ZNF678: variants seen among roughly 807,000 people sequenced by gnomAD.
The protein encoded by ZNF678 is zinc finger protein 678.
A neutral mutation model predicts 3.0 loss-of-function variants in ZNF678; 5 were observed. That is an observed-to-expected ratio of 1.69 (90% CI 0.88 to 3.56). The LOEUF is 3.56. Among genes scored for constraint, ZNF678 ranks in the 30% most tolerant of loss-of-function variants. The pLI, the probability that ZNF678 is intolerant of heterozygous loss-of-function variation, is 0.00. For missense variants in ZNF678, 593 were observed against 605.0 expected, an observed-to-expected ratio of 0.98 and a Z score of 0.21; for synonymous variants, 218 against 199.6, an observed-to-expected ratio of 1.09 and a Z score of -0.78.
Position 227,655,557 on chromosome 1 carries a change from A to G in ZNF678, c.1307A>G (p.Lys436Arg). 2 of 1,612,650 alleles carry G rather than the reference A, an allele frequency of 1.2e-6. No homozygotes were observed. The highest frequency in any genetic ancestry group is 1.7e-6 in the Non-Finnish European group (2 of 1,179,334). Residue 436 changes from lysine (K) to arginine (R), a missense_variant, in exon 4 of 4, where the codon AAA becomes AGA. Physicochemically the swap from Lys to Arg is conservative, Grantham distance 26. Transcript: ENST00000343776. ...IHTGEKPYKC[K>R]ECGKAFYQSS... ...ACTGGAGAGAAACCCTACAAATGTA[A>G]AGAATGTGGCAAAGCTTTTTACCAA...
chr1:227,674,870 C>T (rs1052148862), intron 5 of ZNF678, among the ~76,000 whole-genome samples: 5 of 151,874 alleles, frequency 3.3e-5, no homozygotes, highest in African/African-American at 4.9e-5. Flanking sequence ...GGATTATAGG[C>T]GTGAGCCACT....
At chr1:227,614,959 G>C (rs1463962917) in intron 1 of ZNF678, among the ~76,000 whole-genome samples, 1 of 152,130 alleles carries the variant, frequency 6.6e-6, no homozygotes, top group African/African-American at 2.4e-5. Flanking sequence ...GCGTTTAATT[G>C]AACAAAGACT....
chr1:227,591,179 G>A (rs569996545), intron 1 of ZNF678, among the ~76,000 whole-genome samples: 8 of 151,854 alleles, frequency 5.3e-5, no homozygotes, highest in South Asian at 4.1e-4. Flanking sequence ...TCAGGAGAGC[G>A]TTTATAAACT....
At chr1:227,666,601 G>C (rs1478152211), downstream of ZNF678, among the ~76,000 whole-genome samples, 1 of 152,126 alleles carries the variant, frequency 6.6e-6, no homozygotes, top group African/African-American at 2.4e-5. Context: ...ACAGATATGT[G>C]CCCTTGCAGC....
rs1280109978 is a variant in ZNF678 at position 227,597,243 on chromosome 1, G to A, written c.-164+33519G>A. On this transcript the variant is annotated intron_variant, in intron 1 of 3. Transcript: ENST00000343776. ...CATGTCCTTAAGGCACAGATAGCTC[G>A]TGCTATTGTTTGTGGTTTAAGAAGG... Among the ~76,000 whole-genome samples the A allele has an allele frequency of 3.9e-5, 6 of 152,308 alleles. No individual in the cohort carries two copies. In the East Asian group the frequency reaches 7.7e-4, roughly 20 times the overall value.
chr1:227,669,216 G>A (rs906116778), intron 5 of ZNF678, among the ~76,000 whole-genome samples: 3 of 151,998 alleles, frequency 2.0e-5, no homozygotes, highest in Admixed American at 6.6e-5. Context: ...AAGTCAACAA[G>A]TAGAGAATGA....
At chr1:227,646,467 C>G in intron 1 of ZNF678, 77 bp from the exon 2 acceptor site, 2 of 1,298,872 alleles carry the variant, frequency 1.5e-6, no homozygotes, top group Non-Finnish European at 2.0e-6. Context: ...TCACTTTACT[C>G]TCTTCAGTTG....
Position 227,654,352 on chromosome 1 carries a change from C to T in ZNF678, c.102C>T (p.Ser34=), listed in dbSNP as rs776906880. Residue 34 remains serine (S), a synonymous_variant, in exon 4 of 4, where the codon TCC becomes TCT. Transcript: ENST00000343776. ...TTCTTTCAGCTATTTTATCTTATTC[C>T]ATTCAAGACCTTTTGCCAGAGCAGG... ...KLVYTAILSY[S]IQDLLPEQDM... The T allele has an allele frequency of 2.0e-6, 3 of 1,537,628 alleles. No homozygotes were observed. The highest frequency in any genetic ancestry group is 2.2e-5 in the Admixed American group (1 of 45,126).
intron 1 of ZNF678, among the ~76,000 whole-genome samples, chr1:227,643,827 A>G (rs1200179033): frequency 6.8e-6 from 1 of 146,952 alleles, no homozygotes; most frequent in Non-Finnish European, 1.5e-5. Context: ...ATCTATATTT[A>G]GCTTTTATTT....
intron 1 of ZNF678, among the ~76,000 whole-genome samples, chr1:227,570,335 T>C (rs982229449): frequency 6.6e-6 from 1 of 152,250 alleles, no homozygotes. Flanking sequence ...TTTCTTGTAG[T>C]TCTATGTACA....
intron 1 of ZNF678, among the ~76,000 whole-genome samples, chr1:227,579,311 G>A (rs1251221133): frequency 6.6e-6 from 1 of 152,110 alleles, no homozygotes; most frequent in African/African-American, 2.4e-5. Context: ...GGTGCTAGTG[G>A]TGCAGGTCTG....
At chr1:227,603,899 A>G (rs925181727) in intron 1 of ZNF678, among the ~76,000 whole-genome samples, 2 of 152,206 alleles carry the variant, frequency 1.3e-5, no homozygotes, top group Non-Finnish European at 2.9e-5. Context: ...ATCTGTAGAC[A>G]TTCACTTTCT....
chr1:227,607,769 GTA>G lies in ZNF678; in HGVS notation c.-163-38771_-163-38770del, dbSNP rs1657912959. Among the ~76,000 whole-genome samples the G allele has an allele frequency of 2.8e-5, 4 of 141,748 alleles. No individual in the cohort carries two copies. The South Asian group carries it at 9.2e-4, about 33-fold the overall frequency. 93.0% of individuals were successfully genotyped at this position (141,748 alleles called of 152,430 possible). A position where few individuals can be genotyped will look rare whatever the true frequency, so the allele number is the denominator to read the frequency against. Reference sequence around the variant, plus strand: ...TTATAATATACATTTATTATATATTGTATATGTATTAATTTATAATATATGCT... The same window carrying G: ...TTATAATATACATTTATTATATATTGTATGTATTAATTTATAATATATGCT... On this transcript the variant is annotated intron_variant, in intron 1 of 3. Transcript: ENST00000343776.
intron 1 of ZNF678, among the ~76,000 whole-genome samples, chr1:227,572,854 T>G (rs527699640): frequency 1.3e-5 from 2 of 152,198 alleles, no homozygotes; most frequent in Non-Finnish European, 2.9e-5. Flanking sequence ...TGTTAGAGAT[T>G]CTCAGTGTCT....
chr1:227,646,453 A>G lies in ZNF678; in HGVS notation c.-163-91A>G, dbSNP rs977848712. The G allele has an allele frequency of 2.6e-5, 33 of 1,248,174 alleles. No homozygotes were observed. In the African/African-American group the frequency reaches 3.9e-4, roughly 15 times the overall value. The allele number at this position is 1,248,174 out of a possible 1,614,324, so 77.3% of individuals were successfully genotyped here. On this transcript the variant is annotated intron_variant, in intron 1 of 3. Transcript: ENST00000343776. ...CTTACTGGACAGTTTCTGCCAGAAC[A>G]AGTTCACTTTACTCTCTTCAGTTGG...
intron 1 of ZNF678, among the ~76,000 whole-genome samples, chr1:227,587,436 A>G (rs538423641): frequency 1.3e-5 from 2 of 152,270 alleles, no homozygotes; most frequent in African/African-American, 4.8e-5. Flanking sequence ...CTGTACTTTC[A>G]GAGTCTTTAG....
chr1:227,629,203 C>G lies in ZNF678; in HGVS notation c.-163-17341C>G, dbSNP rs146299667. Among the ~76,000 whole-genome samples the G allele has an allele frequency of 3.4e-3, 517 of 152,200 alleles. 13 individuals carry two copies. The highest frequency in any genetic ancestry group is 0.029 in the South Asian group (138 of 4,806). ...TGCCTCGGGTCTAAGGGGGTACTGC[C>G]TTTGGTAGGGAAAGGAGGTGGAATC... On this transcript the variant is annotated intron_variant, in intron 1 of 3. Transcript: ENST00000343776.
chr1:227,589,563 C>A (rs2999735), intron 1 of ZNF678, among the ~76,000 whole-genome samples: 68,479 of 151,172 alleles, frequency 0.45, 16,895 homozygotes, highest in African/African-American at 0.61. Context: ...GCCAAGCTCC[C>A]CGAGTGAGCA....
chr1:227,619,448 G>A (rs998644090), intron 1 of ZNF678, among the ~76,000 whole-genome samples: 3 of 152,072 alleles, frequency 2.0e-5, no homozygotes, highest in Admixed American at 6.6e-5. Context: ...ACGGAGCCTC[G>A]AACTTATGGA....
Sources: gnomAD v4.1 joint callset for allele counts (sites outside exome capture counted in the v4.1 genomes callset) on GRCh38, gnomAD v4.1.1 for gene constraint, MANE v1.5 for transcripts, NCBI Gene and HGNC (gene_info 2026-07-23, HGNC 2026-07-21) for gene names.